GRM7: variants seen among roughly 807,000 people sequenced by gnomAD.
The protein encoded by GRM7 is metabotropic glutamate receptor 7.
GRM7 carries 35 observed loss-of-function variants against 84.5 expected under a neutral mutation model. The observed-to-expected ratio is 0.41, with a 90% CI of 0.32 to 0.55. The LOEUF (loss-of-function observed/expected upper bound fraction) is 0.55, where lower values mean the gene tolerates loss of function less well. GRM7 is among the 20% of genes least tolerant of loss of function. GRM7 has a pLI of 0.19. For synonymous variants in GRM7, 487 were observed against 455.1 expected (o/e 1.07, Z -0.89); for missense variants, 1,003 against 1,194.6 (o/e 0.84, Z 2.36).
intron 8 of GRM7, among the ~76,000 whole-genome samples, chr3:7,643,377 A>T (rs982303045): frequency 6.6e-6 from 1 of 151,978 alleles, no homozygotes; most frequent in African/African-American, 2.4e-5. Flanking sequence ...GCACAGTGGG[A>T]CTCTGGAAAA....
intron 8 of GRM7, among the ~76,000 whole-genome samples, chr3:7,653,180 C>CTTTTTTTTTTTTTTTTTTTTTT (rs1218949173): frequency 2.2e-5 from 2 of 89,520 alleles, no homozygotes; most frequent in African/African-American, 1.1e-4. Flanking sequence ...ATACTATATC[C>CTTTTTTTTTTTTTTTTTTTTTT]TTTTTTTTTT....
chr3:6,941,471 C>G (rs945391557), intron 1 of GRM7, among the ~76,000 whole-genome samples: 2 of 152,090 alleles, frequency 1.3e-5, no homozygotes, highest in African/African-American at 4.8e-5. Flanking sequence ...GGTGCTTTGC[C>G]TTAGTCAGAA....
intron 7 of GRM7, among the ~76,000 whole-genome samples, chr3:7,522,203 C>G (rs1321808652): frequency 1.3e-5 from 2 of 152,130 alleles, no homozygotes; most frequent in Non-Finnish European, 2.9e-5. Context: ...CATGACTGGA[C>G]CTTGCCTTTC....
At chr3:7,510,016 C>T (rs1185683141) in intron 7 of GRM7, among the ~76,000 whole-genome samples, 2 of 152,156 alleles carry the variant, frequency 1.3e-5, no homozygotes, top group Non-Finnish European at 1.5e-5. Flanking sequence ...TTTTAAGCAA[C>T]AAAAATTGCC....
chr3:7,114,441 C>A (rs903190855), intron 1 of GRM7, among the ~76,000 whole-genome samples: 1 of 152,068 alleles, frequency 6.6e-6, no homozygotes, highest in Non-Finnish European at 1.5e-5. Flanking sequence ...TCTGGTGACC[C>A]CCTGATAAAC....
At chr3:6,889,046 GTA>G (rs1462827310) in intron 1 of GRM7, among the ~76,000 whole-genome samples, 1 of 152,118 alleles carries the variant, frequency 6.6e-6, no homozygotes, top group Non-Finnish European at 1.5e-5. Context: ...TGTTATTTGT[GTA>G]TAAGAATGCT....
intron 1 of GRM7, among the ~76,000 whole-genome samples, chr3:6,907,980 C>T (rs1377574839): frequency 6.6e-6 from 1 of 152,126 alleles, no homozygotes; most frequent in Non-Finnish European, 1.5e-5. Context: ...TCCCTTACTC[C>T]CTTACTATTA....
At chr3:7,355,305 TTTA>T (rs1282312902) in intron 4 of GRM7, among the ~76,000 whole-genome samples, 1 of 152,054 alleles carries the variant, frequency 6.6e-6, no homozygotes, top group East Asian at 1.9e-4. Context: ...CTTAAGCCTA[TTTA>T]TTAAGTGACC....
chr3:7,655,064 G>A (rs1488524899), intron 8 of GRM7, among the ~76,000 whole-genome samples: 1 of 152,174 alleles, frequency 6.6e-6, no homozygotes, highest in African/African-American at 2.4e-5. Flanking sequence ...AGAGAAGTCA[G>A]CTAAGTACAA....
At chr3:7,510,209 C>A (rs926404293) in intron 7 of GRM7, among the ~76,000 whole-genome samples, 1 of 152,102 alleles carries the variant, frequency 6.6e-6, no homozygotes, top group African/African-American at 2.4e-5. Context: ...TGTGGTCACC[C>A]TATTATTACC....
chr3:6,979,262 C>T (rs1694108861), intron 1 of GRM7, among the ~76,000 whole-genome samples: 1 of 152,122 alleles, frequency 6.6e-6, no homozygotes, highest in Admixed American at 6.5e-5. Context: ...CAGCCATGAT[C>T]ATCTCAAGCC....
chr3:7,363,753 G>A (rs942814007), intron 4 of GRM7, among the ~76,000 whole-genome samples: 14 of 151,934 alleles, frequency 9.2e-5, no homozygotes, highest in Admixed American at 5.3e-4. Context: ...TCACTCCACC[G>A]GCAGTTAACA....
At chr3:7,032,396 G>A (rs568459477) in intron 1 of GRM7, among the ~76,000 whole-genome samples, 9 of 152,296 alleles carry the variant, frequency 5.9e-5, no homozygotes, top group African/African-American at 1.9e-4. Context: ...GGTTATGTGA[G>A]CATTAAAGGA....
Position 7,540,343 on chromosome 3 carries a change from T to C in GRM7, c.1516-38079T>C, listed in dbSNP as rs539906657. ...GGAAATTACCCAGTTGTTCATCAAC[T>C]GATGAGTGAAGAAGTAAAATGTAGC... On this transcript the variant is annotated intron_variant, in intron 7 of 9. Coordinates refer to ENST00000357716, the MANE Select transcript of GRM7 (RefSeq NM_000844.4). 2.6e-5 allele frequency among the ~76,000 whole-genome samples: 4 copies of C among 152,296 alleles called. No homozygotes were observed. The South Asian group carries it at 8.3e-4, about 32-fold the overall frequency.
intron 8 of GRM7, among the ~76,000 whole-genome samples, chr3:7,640,131 G>A (rs895848590): frequency 3.3e-5 from 5 of 151,872 alleles, no homozygotes; most frequent in African/African-American, 4.8e-5. Flanking sequence ...CTTCCTATCC[G>A]CCACAATGCC....
chr3:7,473,908 T>C (rs2124927480), intron 7 of GRM7, among the ~76,000 whole-genome samples: 2 of 152,346 alleles, frequency 1.3e-5, no homozygotes, highest in South Asian at 4.1e-4. Flanking sequence ...TTTCTTACAA[T>C]AGTAAAATCC....
At chr3:7,528,051 G>A (rs1213943709) in intron 7 of GRM7, among the ~76,000 whole-genome samples, 2 of 151,994 alleles carry the variant, frequency 1.3e-5, no homozygotes, top group Non-Finnish European at 2.9e-5. Flanking sequence ...GAATAAGAGA[G>A]AAATCCCTCC....
intron 8 of GRM7, among the ~76,000 whole-genome samples, chr3:7,614,631 ACAGT>A (rs950372483): frequency 6.6e-6 from 1 of 152,214 alleles, no homozygotes; most frequent in African/African-American, 2.4e-5. Flanking sequence ...CAAGAAGGAA[ACAGT>A]CAGCAAATAT....
Position 7,338,115 on chromosome 3 carries a change from TACAC to T in GRM7, c.1033+31488_1033+31491del, listed in dbSNP as rs141499269. Among the ~76,000 whole-genome samples, 514 of 146,912 alleles carry T rather than the reference TACAC, an allele frequency of 3.5e-3. 1 individual carries two copies. Among genetic ancestry groups the T allele is most frequent in the South Asian group, 0.011 (52 of 4,594 alleles). Reference sequence around the variant, plus strand: ...TATATCATCTACATATATATTTATGTACACACACACACACACACACACACACACC... The same window carrying T: ...TATATCATCTACATATATATTTATGTACACACACACACACACACACACACC... On this transcript the variant is annotated intron_variant, in intron 4 of 9. Coordinates refer to ENST00000357716, the MANE Select transcript of GRM7 (RefSeq NM_000844.4).
Sources: allele counts gnomAD v4.1 joint callset (sites outside exome capture counted in the v4.1 genomes callset), GRCh38; gene constraint gnomAD v4.1.1; transcripts MANE v1.5; gene names NCBI Gene and HGNC (gene_info 2026-07-23, HGNC 2026-07-21).